HYCC1: variants seen among roughly 807,000 people sequenced by gnomAD.
HYCC1 encodes hyccin PI4KA lipid kinase complex subunit 1.
the HYCC1 span, chr7:22,976,666 A>T: frequency 7.5e-7 from 1 of 1,340,896 alleles, no homozygotes; most frequent in East Asian, 2.3e-5. Flanking sequence ...GTGGATTAAG[A>T]TAAGAATTTT....
the HYCC1 span, among the ~76,000 whole-genome samples, chr7:22,916,814 C>T: frequency 1.3e-5 from 2 of 152,216 alleles, no homozygotes; most frequent in Non-Finnish European, 2.9e-5. Flanking sequence ...CCTCCACTAC[C>T]TCTCAGCAAG....
At chr7:22,929,457 A>T in the HYCC1 span, among the ~76,000 whole-genome samples, 2 of 152,212 alleles carry the variant, frequency 1.3e-5, no homozygotes, top group African/African-American at 4.8e-5. Context: ...ACAAAGGGCT[A>T]ATATCCAGAA....
the HYCC1 span, among the ~76,000 whole-genome samples, chr7:22,948,774 T>C: frequency 6.6e-6 from 1 of 152,160 alleles, no homozygotes; most frequent in East Asian, 1.9e-4. Context: ...GAAGTTTTTA[T>C]TTCCTAGATA....
At chr7:22,936,250 A>G in the HYCC1 span, 1 of 152,144 alleles carries the variant, frequency 6.6e-6, no homozygotes, top group Non-Finnish European at 1.5e-5. Flanking sequence ...ATTTGATATA[A>G]TCAATCTGCC....
chr7:22,946,269 A>T, the HYCC1 span: 2 of 852,792 alleles, frequency 2.3e-6, no homozygotes, highest in Non-Finnish European at 3.6e-6. Flanking sequence ...AAGCTTTAGC[A>T]TAATTTATAA....
chr7:22,906,390 C>T, the HYCC1 span, among the ~76,000 whole-genome samples: 1 of 151,936 alleles, frequency 6.6e-6, no homozygotes, highest in Non-Finnish European at 1.5e-5. Flanking sequence ...CCAGCCTGGC[C>T]AACATGGTGA....
At chr7:22,976,607 C>T in the HYCC1 span, 1 of 828,628 alleles carries the variant, frequency 1.2e-6, no homozygotes, top group Non-Finnish European at 2.1e-6. Flanking sequence ...ACACACAACT[C>T]ATTAAACATT....
At chr7:22,997,757 G>C in the HYCC1 span, among the ~76,000 whole-genome samples, 28 of 152,114 alleles carry the variant, frequency 1.8e-4, no homozygotes, top group African/African-American at 6.5e-4. Context: ...ATAATTCATA[G>C]TAAGAGAGGT....
chr7:22,968,180 G>C, the HYCC1 span, among the ~76,000 whole-genome samples: 4 of 152,254 alleles, frequency 2.6e-5, no homozygotes, highest in East Asian at 7.7e-4. Flanking sequence ...AGCTTTCCTT[G>C]CATTTAGATG....
At chr7:22,967,117 A>C in the HYCC1 span, among the ~76,000 whole-genome samples, 2 of 152,234 alleles carry the variant, frequency 1.3e-5, no homozygotes, top group East Asian at 1.9e-4. Flanking sequence ...TATTTATTAA[A>C]GATTGATACT....
the HYCC1 span, among the ~76,000 whole-genome samples, chr7:23,013,484 C>T: frequency 2.6e-5 from 4 of 152,178 alleles, no homozygotes; most frequent in Admixed American, 1.3e-4. Flanking sequence ...AGGCAGAGGC[C>T]AGAGCATCCG....
chr7:22,959,951 T>C, the HYCC1 span, among the ~76,000 whole-genome samples: 1 of 152,206 alleles, frequency 6.6e-6, no homozygotes, highest in Non-Finnish European at 1.5e-5. Context: ...TGCAAATACT[T>C]TTGAATACAA....
At chr7:22,935,789 G>C in the HYCC1 span, 1 of 151,970 alleles carries the variant, frequency 6.6e-6, no homozygotes, top group Non-Finnish European at 1.5e-5. Flanking sequence ...GGGATTACAG[G>C]CATGTGCTAC....
chr7:22,970,932 C>G, the HYCC1 span, among the ~76,000 whole-genome samples: 1 of 152,146 alleles, frequency 6.6e-6, no homozygotes, highest in African/African-American at 2.4e-5. Context: ...CAGCTGAGTG[C>G]CATAACAGCT....
At chr7:22,911,516 T>C in the HYCC1 span, among the ~76,000 whole-genome samples, 1 of 152,178 alleles carries the variant, frequency 6.6e-6, no homozygotes, top group Non-Finnish European at 1.5e-5. Flanking sequence ...TCTCAGCACT[T>C]TGGGAGCCCG....
At chr7:22,925,746 G>C in the HYCC1 span, among the ~76,000 whole-genome samples, 1 of 152,170 alleles carries the variant, frequency 6.6e-6, no homozygotes, top group African/African-American at 2.4e-5. Flanking sequence ...GAACCGAGTT[G>C]GAAAACACTC....
At chr7:22,930,223 A>T in the HYCC1 span, among the ~76,000 whole-genome samples, 1 of 150,790 alleles carries the variant, frequency 6.6e-6, no homozygotes, top group Non-Finnish European at 1.5e-5. Flanking sequence ...GGATAGCCTT[A>T]GGAGATATAC....
chr7:23,004,057 T>G, the HYCC1 span, among the ~76,000 whole-genome samples: 1 of 152,250 alleles, frequency 6.6e-6, no homozygotes, highest in Non-Finnish European at 1.5e-5. Context: ...AGAGTCAATT[T>G]GTTTTAGCAG....
the HYCC1 span, among the ~76,000 whole-genome samples, chr7:22,961,932 C>G: frequency 6.6e-6 from 1 of 151,850 alleles, no homozygotes; most frequent in Non-Finnish European, 1.5e-5. Context: ...TCCTAAAAAT[C>G]AGCTAAATTA....
Sources: allele counts gnomAD v4.1 joint callset (sites outside exome capture counted in the v4.1 genomes callset), GRCh38; gene constraint gnomAD v4.1.1; transcripts MANE v1.5; gene names NCBI Gene and HGNC (gene_info 2026-07-23, HGNC 2026-07-21).